The following DCAF15 variants were observed in gnomAD, a reference collection of about 807,000 sequenced individuals.
DCAF15 encodes DDB1 and CUL4 associated factor 15, also known as DDB1- and CUL4-associated factor 15.
In DCAF15, 24 loss-of-function variants were observed where a neutral mutation model predicts 68.0. The observed-to-expected ratio is 0.35, with a 90% CI of 0.26 to 0.50. DCAF15 has a LOEUF of 0.50. Among genes scored for constraint, DCAF15 ranks in the 20% least tolerant of loss-of-function variants. DCAF15 has a pLI of 0.98. For missense variants in DCAF15, 627 were observed against 830.6 expected (o/e 0.75, Z 3.01); for synonymous variants, 376 against 341.6 (o/e 1.10, Z -1.11).
chr19:13,957,293 A>C (rs1273028574), intron 6 of DCAF15, among the ~76,000 whole-genome samples: 1 of 152,232 alleles, frequency 6.6e-6, no homozygotes, highest in African/African-American at 2.4e-5. Context: ...GCTGGCAGCA[A>C]CAGGAGGGAG....
chr19:13,952,724 G>T (rs1973116919), intron 1 of DCAF15, 80 bp downstream of exon 1: 3 of 1,295,106 alleles, frequency 2.3e-6, no homozygotes, highest in African/African-American at 1.6e-5. Context: ...GAGGGCGTTC[G>T]CGGGGTGAGG....
chr19:13,957,948 T>C (rs1383399907), intron 6 of DCAF15, among the ~76,000 whole-genome samples: 1 of 152,034 alleles, frequency 6.6e-6, no homozygotes, highest in Non-Finnish European at 1.5e-5. Context: ...TAAATCCTCA[T>C]GGAAATGGTT....
At position 13,959,604 on chromosome 19, in the gene DCAF15, C is replaced by T. The variant is rs1973514194; in HGVS notation, c.1242C>T (p.Ser414=). The T allele has an allele frequency of 1.9e-6, 3 of 1,613,436 alleles. No individual in the cohort carries two copies. The highest frequency in any genetic ancestry group is 4.5e-5 in the East Asian group (2 of 44,832). Residue 414 remains serine, a synonymous_variant, in exon 8 of 13, where the codon TCC becomes TCT. Coordinates refer to ENST00000254337, the MANE Select transcript of DCAF15 (RefSeq NM_138353.4). ...CAGAGTTGGAGGACGACAAGATCTCCCTGCCCTTCGTGGTGACTGATCTTC... is the reference window on the plus strand; with the variant it reads ...CAGAGTTGGAGGACGACAAGATCTCTCTGCCCTTCGTGGTGACTGATCTTC... The part of the protein sequence containing the change: ...PEDELEDDKI[S]LPFVVTDLRG...
intron 3 of DCAF15, 85 bp from the exon 4 acceptor site, chr19:13,955,827 G>A: frequency 1.4e-6 from 2 of 1,416,176 alleles, no homozygotes; most frequent in South Asian, 1.2e-5. Context: ...CTCAGCCCCA[G>A]CCCTGATGAG....
intron 10 of DCAF15, 60 bp downstream of exon 10, chr19:13,960,129 G>A (rs545822214): frequency 1.6e-5 from 25 of 1,600,128 alleles, no homozygotes; most frequent in Admixed American, 1.4e-4. Flanking sequence ...GACACTTCAC[G>A]GTGGGGGTGT....
chr19:13,959,435 T>G lies in DCAF15; in HGVS notation c.1175T>G (p.Leu392Arg). 6.2e-7 allele frequency: 1 copy of G among 1,610,126 alleles called. No individual in the cohort carries two copies. Among genetic ancestry groups the G allele is most frequent in the Non-Finnish European group, 8.5e-7 (1 of 1,179,722 alleles). Residue 392 changes from leucine (L) to arginine (R), a missense_variant, in exon 7 of 13, where the codon CTG (leucine) becomes CGG (arginine). Transcript: ENST00000254337. ...CCTGGCTATGTCAACTACACCAAGCTGTACTATGTGCTGGAGTCCGGAGAG... is the reference window on the plus strand; with the variant it reads ...CCTGGCTATGTCAACTACACCAAGCGGTACTATGTGCTGGAGTCCGGAGAG... ...SEPGYVNYTK[L>R]YYVLESGEGT...
intron 3 of DCAF15, among the ~76,000 whole-genome samples, chr19:13,955,110 A>G (rs902859095): frequency 2.0e-5 from 3 of 151,660 alleles, no homozygotes; most frequent in African/African-American, 4.8e-5. Context: ...TGTCTCTAAA[A>G]CAAAACAAAA....
chr19:13,959,896 G>A lies in DCAF15; in HGVS notation c.1440+1G>A. The A allele has an allele frequency of 6.2e-7, 1 of 1,612,252 alleles. No individual in the cohort carries two copies. Among genetic ancestry groups the A allele is most frequent in the Non-Finnish European group, 8.5e-7 (1 of 1,178,554 alleles). ...CGACTATGACATCGTCATTCTGGAGGTGGGCCCAGGGCGGGCAGGGTGGGC... is the reference window on the plus strand; with the variant it reads ...CGACTATGACATCGTCATTCTGGAGATGGGCCCAGGGCGGGCAGGGTGGGC... On this transcript the variant is annotated splice_donor_variant, in intron 9 of 12. Transcript: ENST00000254337. LOFTEE classifies it high-confidence loss of function.
chr19:13,959,035 CTCT>C lies in DCAF15; in HGVS notation c.785-5_785-3del. On this transcript the variant is annotated splice_polypyrimidine_tract_variant and splice_region_variant and intron_variant, in intron 6 of 12. Coordinates refer to ENST00000254337, the MANE Select transcript of DCAF15 (RefSeq NM_138353.4). ...CAGACTGACACTTCTCCACCCCCAT[CTCT>C]TCTTAGGTGACAGGAGTTTCTGCCA... is the stretch of plus-strand genomic sequence containing the variant. 1 of 1,577,642 alleles carries C rather than the reference CTCT, an allele frequency of 6.3e-7. No individual in the cohort carries two copies. The highest frequency in any genetic ancestry group is 8.6e-7 in the Non-Finnish European group (1 of 1,160,752).
chr19:13,954,540 G>C lies in DCAF15; in HGVS notation c.245G>C (p.Gly82Ala). 6.2e-7 allele frequency: 1 copy of C among 1,614,226 alleles called. No homozygotes were observed. The highest frequency in any genetic ancestry group is 8.5e-7 in the Non-Finnish European group (1 of 1,180,036). The change falls in exon 3 of 13, where the codon GGC (glycine) becomes GCC (alanine). Residue 82 changes from glycine to alanine, a missense_variant. This residue lies in a region of DCAF15 where 273 missense variants were observed against 393.7 expected (regional missense o/e 0.69). Transcript: ENST00000254337. ...CACCCCCACAGACATATCTTCCTGG[G>C]CTTTTCCAAATGCGGCCGCTACGTC... ...DFLYAGHIFL[G>A]FSKCGRYVLS...
Position 13,960,526 on chromosome 19 carries a change from C to T in DCAF15, c.1693C>T (p.Pro565Ser). The change falls in exon 12 of 13, where the codon CCG becomes TCG. Residue 565 changes from proline to serine, a missense_variant. By Grantham distance (74) the Pro-to-Ser change is moderately conservative (BLOSUM62 -1). Around this residue, in one of 3 missense-constraint regions of DCAF15, gnomAD observed 118 missense variants for 211.8 expected, o/e 0.56. Coordinates refer to ENST00000254337, the MANE Select transcript of DCAF15 (RefSeq NM_138353.4). ...CVDMVMKWLVPESSGRYVNRM... is the reference protein window; with the variant it reads ...CVDMVMKWLVSESSGRYVNRM... Reference sequence around the variant, plus strand: ...GGACATGGTCATGAAGTGGCTGGTGCCGGAGAGCAGCGGCCGCTACGTCAA... The same window carrying T: ...GGACATGGTCATGAAGTGGCTGGTGTCGGAGAGCAGCGGCCGCTACGTCAA... 1 of 1,605,062 alleles carries T rather than the reference C, an allele frequency of 6.2e-7. No homozygotes were observed. The highest frequency in any genetic ancestry group is 8.5e-7 in the Non-Finnish European group (1 of 1,177,008).
In DCAF15 at chr19:13,953,477, G is replaced by C. The variant is rs118173351; in HGVS notation, c.132+833G>C. ...CTGGGAGCTCCCTGGGCTTGGCTGT[G>C]GTTCCGCCCTTAGCTTGGAAGCTCC... is the stretch of plus-strand genomic sequence containing the variant. On this transcript the variant is annotated intron_variant, in intron 1 of 12. Transcript: ENST00000254337. The C allele has an allele frequency of 1.1e-3, 232 of 214,628 alleles. 4 individuals are homozygous for C. The East Asian group carries it at 0.023, about 21-fold the overall frequency. 13.3% of individuals were successfully genotyped at this position (214,628 alleles called of 1,614,324 possible). A position where few individuals can be genotyped will look rare whatever the true frequency, so the allele number is the denominator to read the frequency against.
chr19:13,960,416 T>C, intron 11 of DCAF15, 25 bp downstream of exon 11: 1 of 1,612,820 alleles, frequency 6.2e-7, no homozygotes, highest in Non-Finnish European at 8.5e-7. Flanking sequence ...GGGGGCAGGG[T>C]CAGGGCGCGG....
chr19:13,959,272 G>A lies in DCAF15; in HGVS notation c.1012G>A (p.Val338Ile). Residue 338 changes from valine (V) to isoleucine (I), a missense_variant, in exon 7 of 13, where the codon GTC becomes ATC. Val to Ile is a conservative substitution (Grantham distance 29, BLOSUM62 3). Around this residue, in one of 3 missense-constraint regions of DCAF15, gnomAD observed 236 missense variants for 225.1 expected, o/e 1.05. Coordinates refer to ENST00000254337, the MANE Select transcript of DCAF15 (RefSeq NM_138353.4). Reference protein sequence around the residue: ...FRRAKEAKGGVPEEARPALCP... With the variant: ...FRRAKEAKGGIPEEARPALCP... ...CCGGGCCAAAGAGGCCAAGGGCGGG[G>A]TCCCTGAGGAAGCCCGGCCTGCCCT... 1.9e-6 allele frequency: 3 copies of A among 1,611,490 alleles called. No homozygotes were observed. The highest frequency in any genetic ancestry group is 2.2e-5 in the South Asian group (2 of 91,082).
chr19:13,954,242 G>T, intron 1 of DCAF15, 98 bp from the exon 2 acceptor site: 1 of 1,038,490 alleles, frequency 9.6e-7, no homozygotes, highest in Non-Finnish European at 1.5e-6. Context: ...GGCTGGGCCG[G>T]TCTGGACCCG....
At chr19:13,959,936 A>G in intron 9 of DCAF15, 41 bp downstream of exon 9, 1 of 1,203,280 alleles carries the variant, frequency 8.3e-7, no homozygotes, top group African/African-American at 2.0e-5. Flanking sequence ...GGCCTCCTGT[A>G]CTCTGGGGTC....
At chr19:13,959,922 C>CCAGGGCGGGCAGGGTGGGCA in intron 9 of DCAF15, 27 bp downstream of exon 9, 1 of 1,613,516 alleles carries the variant, frequency 6.2e-7, no homozygotes, top group South Asian at 1.1e-5. Context: ...CAGGGTGGGC[C>CCAGGGCGGGCAGGGTGGGCA]CAGGGCCTCC....
At chr19:13,957,925 CAA>C (rs2145497328) in intron 6 of DCAF15, among the ~76,000 whole-genome samples, 1 of 152,220 alleles carries the variant, frequency 6.6e-6, no homozygotes, top group African/African-American at 2.4e-5. Flanking sequence ...AACTCAGATG[CAA>C]AGACGTCCAT....
intron 6 of DCAF15, among the ~76,000 whole-genome samples, chr19:13,957,451 C>T (rs56159835): frequency 1.2e-3 from 188 of 152,182 alleles, no homozygotes; most frequent in African/African-American, 4.4e-3. Flanking sequence ...AAGAACCCTC[C>T]CTGGGGATTG....
Sources: gnomAD v4.1 joint callset for allele counts (sites outside exome capture counted in the v4.1 genomes callset) on GRCh38, gnomAD v4.1.1 for gene constraint, gnomAD v4.1.1 regional missense constraint, MANE v1.5 for transcripts, NCBI Gene and HGNC (gene_info 2026-07-23, HGNC 2026-07-21) for gene names.